Variants in PDZD2 observed in about 807,000 individuals in gnomAD.
PDZD2 encodes the protein PDZ domain containing 2.
Under a neutral mutation model 220.7 loss-of-function variants are expected in PDZD2, and 90 were observed. The ratio of observed to expected loss-of-function variants is 0.41; its 90% CI spans 0.34 to 0.49. The LOEUF is 0.49. Ranked by LOEUF, PDZD2 falls within the 20% of genes least tolerant of loss-of-function variation. PDZD2 has a pLI of 0.28. For synonymous variants in PDZD2, 1,375 were observed against 1,450.5 expected, an observed-to-expected ratio of 0.95 and a Z score of 1.18; for missense variants, 3,174 against 3,608.5, an observed-to-expected ratio of 0.88 and a Z score of 3.08.
chr5:31,862,813 T>C (rs1185842409), intron 2 of PDZD2, among the ~76,000 whole-genome samples: 4 of 152,170 alleles, frequency 2.6e-5, no homozygotes, highest in Non-Finnish European at 5.9e-5. Context: ...TTGCAACCTC[T>C]GCCTCCCGGG....
At chr5:31,746,964 C>T (rs1341980036) in intron 1 of PDZD2, among the ~76,000 whole-genome samples, 4 of 152,164 alleles carry the variant, frequency 2.6e-5, no homozygotes, top group Non-Finnish European at 5.9e-5. Flanking sequence ...AGCATGAGGT[C>T]AGGAGTTCGA....
At chr5:31,946,676 A>T (rs1397356135) in intron 2 of PDZD2, among the ~76,000 whole-genome samples, 1 of 152,074 alleles carries the variant, frequency 6.6e-6, no homozygotes, top group Non-Finnish European at 1.5e-5. Flanking sequence ...AAGGCTCCAT[A>T]GATTATTCTT....
intron 1 of PDZD2, among the ~76,000 whole-genome samples, chr5:31,784,292 T>C (rs1366562981): frequency 6.6e-6 from 1 of 152,130 alleles, no homozygotes; most frequent in African/African-American, 2.4e-5. Context: ...AATAGTGAGG[T>C]CCCTTCTTCG....
intron 1 of PDZD2, among the ~76,000 whole-genome samples, chr5:31,641,033 A>G (rs1744929717): frequency 2.6e-5 from 4 of 152,218 alleles, no homozygotes; most frequent in Admixed American, 2.6e-4. Flanking sequence ...ACTTTATGGC[A>G]GTTTACTATT....
rs1035766417 is a variant in PDZD2, at chr5:32,083,939, A to G, written c.3683-3192A>G. Among the ~76,000 whole-genome samples, 1 of 152,140 alleles carries G rather than the reference A, an allele frequency of 6.6e-6. No homozygotes were observed. On this transcript the variant is annotated intron_variant, in intron 19 of 24. Transcript: ENST00000438447. The surrounding 1 kb of genome is among the most constrained non-coding windows in gnomAD (Gnocchi z 4.1). ...TGATCTGCCTGGCCTCAGCATCCCAAAGTGCTGGGATTACAGGCATGAGCC... is the reference window on the plus strand; with the variant it reads ...TGATCTGCCTGGCCTCAGCATCCCAGAGTGCTGGGATTACAGGCATGAGCC...
chr5:31,907,834 C>T (rs1371669844), intron 2 of PDZD2, among the ~76,000 whole-genome samples: 2 of 152,040 alleles, frequency 1.3e-5, no homozygotes, highest in African/African-American at 2.4e-5. Context: ...CCTGTAATCC[C>T]AGCACTGTGG....
intron 1 of PDZD2, among the ~76,000 whole-genome samples, chr5:31,686,657 G>A (rs562017270): frequency 1.6e-4 from 24 of 152,250 alleles, no homozygotes; most frequent in African/African-American, 4.3e-4. Context: ...GTGAGCCACC[G>A]TGCCTGGCCA....
rs908797918 is a variant in PDZD2 at position 31,639,791 on chromosome 5, C to T, written c.-361+354C>T. ...GCATCCCGGGTCCCCATCCCTGGGC[C>T]GTCTTCTGGTCCCTTCCTCCGACAG... On this transcript the variant is annotated intron_variant, in intron 1 of 24. Transcript: ENST00000438447. The surrounding 1 kb of genome is among the most constrained non-coding windows in gnomAD (Gnocchi z 4.1). Among the ~76,000 whole-genome samples the T allele has an allele frequency of 1.3e-5, 2 of 152,288 alleles. No individual in the cohort carries two copies. The highest frequency in any genetic ancestry group is 1.9e-4 in the East Asian group (1 of 5,158).
At chr5:31,986,076 C>CAA (rs55659088) in intron 3 of PDZD2, among the ~76,000 whole-genome samples, 44,118 of 102,156 alleles carry the variant, frequency 0.43, 9,176 homozygotes, top group Non-Finnish European at 0.52. Flanking sequence ...ACTCTTGTCT[C>CAA]AAAAAAAAAA....
chr5:32,006,637 A>C (rs1312903939), intron 5 of PDZD2, among the ~76,000 whole-genome samples: 1 of 150,724 alleles, frequency 6.6e-6, no homozygotes, highest in Non-Finnish European at 1.5e-5. Flanking sequence ...TAGGACTCCC[A>C]AGGTAATGGG....
chr5:31,683,228 A>G (rs1372074941), intron 1 of PDZD2, among the ~76,000 whole-genome samples: 2 of 149,520 alleles, frequency 1.3e-5, no homozygotes, highest in East Asian at 2.0e-4. Flanking sequence ...AAAAAAAAGA[A>G]AGAAAGAAAA....
At chr5:31,696,716 C>T (rs1376972618) in intron 1 of PDZD2, among the ~76,000 whole-genome samples, 1 of 152,232 alleles carries the variant, frequency 6.6e-6, no homozygotes, top group African/African-American at 2.4e-5. Context: ...CCCTAGAAAC[C>T]TGTCCTTTGG....
At chr5:31,763,841 A>C (rs574925614) in intron 1 of PDZD2, among the ~76,000 whole-genome samples, 1 of 150,682 alleles carries the variant, frequency 6.6e-6, no homozygotes, top group Admixed American at 6.7e-5. Flanking sequence ...AAGAATTTGA[A>C]AGTAAAGGAG....
chr5:31,669,792 A>G (rs74991814), intron 1 of PDZD2, among the ~76,000 whole-genome samples: 2,836 of 152,270 alleles, frequency 0.019, 28 homozygotes, highest in Non-Finnish European at 0.031. Flanking sequence ...GTCTGTTACC[A>G]TCTATCTGCT....
chr5:32,066,398 C>T (rs1740218592), intron 14 of PDZD2, among the ~76,000 whole-genome samples: 1 of 152,184 alleles, frequency 6.6e-6, no homozygotes, highest in African/African-American at 2.4e-5. Context: ...CCTGCTTCCA[C>T]CTTTTTCTGT....
intron 1 of PDZD2, among the ~76,000 whole-genome samples, chr5:31,694,616 C>T (rs531457147): frequency 2.0e-5 from 3 of 152,122 alleles, no homozygotes; most frequent in African/African-American, 7.2e-5. Context: ...AGGAAGGAGG[C>T]CTTGGAGAGG....
intron 1 of PDZD2, among the ~76,000 whole-genome samples, chr5:31,664,597 T>C (rs917946321): frequency 3.3e-5 from 5 of 152,170 alleles, no homozygotes; most frequent in African/African-American, 1.2e-4. Context: ...TGTCTTGTGA[T>C]TCATACGACG....
intron 2 of PDZD2, among the ~76,000 whole-genome samples, chr5:31,805,222 C>T (rs139136635): frequency 5.2e-4 from 79 of 152,184 alleles, no homozygotes; most frequent in African/African-American, 1.9e-3. Flanking sequence ...AAAAGGAAGC[C>T]CAATTGTAAT....
chr5:31,742,160 A>C (rs992413017), intron 1 of PDZD2: 5 of 152,160 alleles, frequency 3.3e-5, no homozygotes, highest in Non-Finnish European at 5.9e-5. Context: ...CTAATCCTTC[A>C]TGGATTCTGT....
Sources: gnomAD v4.1 joint callset for allele counts (sites outside exome capture counted in the v4.1 genomes callset) on GRCh38, gnomAD v4.1.1 for gene constraint, Gnocchi (gnomAD v3.1) non-coding constraint, MANE v1.5 for transcripts, NCBI Gene and HGNC (gene_info 2026-07-23, HGNC 2026-07-21) for gene names.